Variants in RHOJ observed in about 807,000 individuals in gnomAD.
The protein encoded by RHOJ is rho-related GTP-binding protein RhoJ.
Under a neutral mutation model 23.4 loss-of-function variants are expected in RHOJ, and 11 were observed. That is an observed-to-expected ratio of 0.47 (90% CI 0.30 to 0.78). The LOEUF (loss-of-function observed/expected upper bound fraction) is 0.78, where lower values mean the gene tolerates loss of function less well. Ranked by LOEUF, RHOJ falls within the 30% of genes least tolerant of loss-of-function variation. The pLI is 0.08. For missense variants in RHOJ, 254 were observed against 273.4 expected, an observed-to-expected ratio of 0.93 and a Z score of 0.50; for synonymous variants, 102 against 102.7, an observed-to-expected ratio of 0.99 and a Z score of 0.04.
At chr14:63,209,754 C>T (rs1389706702) in intron 1 of RHOJ, among the ~76,000 whole-genome samples, 1 of 152,144 alleles carries the variant, frequency 6.6e-6, no homozygotes, top group Non-Finnish European at 1.5e-5. Context: ...GTCCTTCCAA[C>T]ACTTAGATAG....
intron 1 of RHOJ, among the ~76,000 whole-genome samples, chr14:63,214,921 G>A (rs960976893): frequency 1.1e-4 from 16 of 152,070 alleles, no homozygotes; most frequent in Non-Finnish European, 2.2e-4. Flanking sequence ...GGTCACTGAG[G>A]GAAATTAGAG....
At chr14:63,221,865 G>A (rs140688904) in intron 1 of RHOJ, among the ~76,000 whole-genome samples, 3 of 152,008 alleles carry the variant, frequency 2.0e-5, no homozygotes, top group South Asian at 2.1e-4. Flanking sequence ...GGGTACATGC[G>A]CACAACGTGC....
At chr14:63,255,208 G>A (rs956006543) in intron 1 of RHOJ, among the ~76,000 whole-genome samples, 2 of 152,034 alleles carry the variant, frequency 1.3e-5, no homozygotes, top group African/African-American at 4.8e-5. Context: ...CCCACAGCAG[G>A]TCCCTGCAGC....
chr14:63,281,878 C>T (rs549936829), intron 3 of RHOJ, among the ~76,000 whole-genome samples: 1 of 152,314 alleles, frequency 6.6e-6, no homozygotes, highest in Admixed American at 6.5e-5. Context: ...TATACGAATA[C>T]TGAAGGGCTT....
At chr14:63,286,376 A>G (rs1180117029) in intron 4 of RHOJ, among the ~76,000 whole-genome samples, 2 of 152,212 alleles carry the variant, frequency 1.3e-5, no homozygotes, top group African/African-American at 2.4e-5. Flanking sequence ...GAGGTTTCAG[A>G]GATTTCTTTA....
At chr14:63,224,022 G>A (rs1894546086) in intron 1 of RHOJ, among the ~76,000 whole-genome samples, 1 of 151,896 alleles carries the variant, frequency 6.6e-6, no homozygotes, top group Non-Finnish European at 1.5e-5. Context: ...AGCGCTCCAG[G>A]GGTCCCCAGG....
intron 1 of RHOJ, among the ~76,000 whole-genome samples, chr14:63,218,886 A>T (rs768819748): frequency 2.6e-5 from 4 of 152,230 alleles, no homozygotes; most frequent in Non-Finnish European, 4.4e-5. Flanking sequence ...TCATCATAAA[A>T]GTTTTTATAT....
At chr14:63,245,570 A>T (rs112073194) in intron 1 of RHOJ, among the ~76,000 whole-genome samples, 448 of 152,172 alleles carry the variant, frequency 2.9e-3, no homozygotes, top group African/African-American at 0.01. Context: ...AGGAGGGAGG[A>T]TCACTTAAGC....
chr14:63,290,745 A>T, intron 4 of RHOJ, 133 bp from the exon 5 acceptor site: 2 of 713,354 alleles, frequency 2.8e-6, no homozygotes, highest in Non-Finnish European at 4.2e-6. Flanking sequence ...AAAAAAGACA[A>T]ACATAATCCA....
chr14:63,222,017 C>T (rs531838342), intron 1 of RHOJ, among the ~76,000 whole-genome samples: 35 of 133,542 alleles, frequency 2.6e-4, no homozygotes, highest in African/African-American at 9.7e-4. Context: ...TGTTCGCCTT[C>T]CTGTGTCCAA....
intron 1 of RHOJ, among the ~76,000 whole-genome samples, chr14:63,221,886 CAT>C (rs1321017745): frequency 6.6e-6 from 1 of 152,034 alleles, no homozygotes; most frequent in Non-Finnish European, 1.5e-5. Context: ...AGGTTTGTTA[CAT>C]ATGTATACAT....
intron 1 of RHOJ, among the ~76,000 whole-genome samples, chr14:63,237,959 C>T (rs1894818766): frequency 6.6e-6 from 1 of 152,182 alleles, no homozygotes; most frequent in Admixed American, 6.5e-5. Flanking sequence ...CCTGCTCTGT[C>T]CTGCTGGTCC....
chr14:63,286,388 C>T (rs1882083232), intron 4 of RHOJ, among the ~76,000 whole-genome samples: 2 of 152,104 alleles, frequency 1.3e-5, no homozygotes, highest in Non-Finnish European at 2.9e-5. Context: ...ATTTCTTTAA[C>T]CAGGTAACAT....
rs1882303727 is a variant in RHOJ, at chr14:63,293,202, A to G, written c.*2178A>G. On this transcript the variant is annotated 3_prime_UTR_variant, in exon 5 of 5. Transcript: ENST00000316754. ...TAATGAACTTTTAGTCCTGTAATAAATGAAATGTTATTAGGCAGCTTTGTT... is the reference window on the plus strand; with the variant it reads ...TAATGAACTTTTAGTCCTGTAATAAGTGAAATGTTATTAGGCAGCTTTGTT... 6.6e-6 allele frequency: 1 copy of G among 152,228 alleles called. No individual in the cohort carries two copies. Among genetic ancestry groups the G allele is most frequent in the South Asian group, 2.1e-4 (1 of 4,832 alleles). 9.4% of individuals were successfully genotyped at this position (152,228 alleles called of 1,614,324 possible).
At chr14:63,241,132 G>A (rs960203235) in intron 1 of RHOJ, among the ~76,000 whole-genome samples, 2 of 152,212 alleles carry the variant, frequency 1.3e-5, no homozygotes, top group African/African-American at 2.4e-5. Context: ...GCTGCTCAGG[G>A]AAAAGTCCAG....
At chr14:63,251,181 TAAGCTCCCTG>T (rs965054581) in intron 1 of RHOJ, among the ~76,000 whole-genome samples, 3 of 152,212 alleles carry the variant, frequency 2.0e-5, no homozygotes, top group African/African-American at 7.2e-5. Flanking sequence ...TTCCAAACTA[TAAGCTCCCTG>T]AAGGCAAGGA....
chr14:63,247,472 A>G (rs1305514449), intron 1 of RHOJ, among the ~76,000 whole-genome samples: 4 of 151,372 alleles, frequency 2.6e-5, no homozygotes, highest in Admixed American at 1.3e-4. Context: ...GAAAAAAAAT[A>G]TACAGAAAAA....
intron 1 of RHOJ, among the ~76,000 whole-genome samples, chr14:63,260,265 C>T (rs984739473): frequency 2.0e-5 from 3 of 152,196 alleles, no homozygotes; most frequent in African/African-American, 7.2e-5. Context: ...ATTAGTGGTT[C>T]ATCATAGTTT....
rs77455369 is a variant in RHOJ, at chr14:63,237,010, C to G, written c.178+31963C>G. On this transcript the variant is annotated intron_variant, in intron 1 of 4. Transcript: ENST00000316754. ...TACTGTATTGTTTAGGGAATGATGA[C>G]AAGAAAAAAACATGTTCAGTACAGA... is the stretch of plus-strand genomic sequence containing the variant. Among the ~76,000 whole-genome samples the G allele has an allele frequency of 3.9e-3, 600 of 152,114 alleles. 4 individuals carry two copies. The highest frequency in any genetic ancestry group is 7.1e-3 in the Non-Finnish European group (482 of 67,978).
Sources: allele counts gnomAD v4.1 joint callset (sites outside exome capture counted in the v4.1 genomes callset), GRCh38; gene constraint gnomAD v4.1.1; transcripts MANE v1.5; gene names NCBI Gene and HGNC (gene_info 2026-07-23, HGNC 2026-07-21).